MORC4: variants seen among roughly 807,000 people sequenced by gnomAD.
MORC4 encodes MORC family CW-type zinc finger protein 4.
In MORC4, 22 loss-of-function variants were observed where a neutral mutation model predicts 65.5. That is an observed-to-expected ratio of 0.34 (90% CI 0.24 to 0.48). The LOEUF (loss-of-function observed/expected upper bound fraction) is 0.48, where lower values mean the gene tolerates loss of function less well. Among genes scored for constraint, MORC4 ranks in the 20% least tolerant of loss-of-function variants. The pLI is 0.99. For synonymous variants in MORC4, 267 were observed against 255.8 expected, an observed-to-expected ratio of 1.04 and a Z score of -0.42; for missense variants, 624 against 703.0, an observed-to-expected ratio of 0.89 and a Z score of 1.27.
At position 106,980,871 on chromosome X, in the gene MORC4, T is replaced by C. The variant is rs1437157194; in HGVS notation, c.936+20A>G. The C allele has an allele frequency of 3.4e-6, 4 of 1,192,568 alleles. No homozygotes were observed. The highest frequency in any genetic ancestry group is 3.5e-5 in the African/African-American group (2 of 56,884). ...AAATAAAGAGGTCAACTTCATGTAG[T>C]GGTACACTTGTAAGGATACTGTGAA... On this transcript the variant is annotated intron_variant, in intron 7 of 16. Coordinates refer to ENST00000355610, the MANE Select transcript of MORC4 (RefSeq NM_024657.5).
intron 2 of MORC4, among the ~76,000 whole-genome samples, chrX:106,998,065 T>G (rs1176696232): frequency 1.8e-5 from 2 of 112,603 alleles, no homozygotes; most frequent in African/African-American, 6.5e-5. Flanking sequence ...CACAGTGGCC[T>G]TGCGCACAGT....
At chrX:106,993,384 G>A (rs367543482) in intron 2 of MORC4, 22 bp from the exon 3 acceptor site, 31 of 1,193,425 alleles carry the variant, frequency 2.6e-5, no homozygotes, top group Non-Finnish European at 3.2e-5. Flanking sequence ...AGAAATCTGC[G>A]ATATTAGATC....
At chrX:106,950,930 A>C (rs1009506779) in intron 14 of MORC4, among the ~76,000 whole-genome samples, 8 of 112,004 alleles carry the variant, frequency 7.1e-5, no homozygotes, top group African/African-American at 2.3e-4. Context: ...TCTTCCTGAG[A>C]TTTAGAAGAT....
At chrX:106,990,920 C>A (rs1302901445) in intron 3 of MORC4, among the ~76,000 whole-genome samples, 1 of 110,833 alleles carries the variant, frequency 9.0e-6, no homozygotes, top group Non-Finnish European at 1.9e-5. Flanking sequence ...CTAGCTGATT[C>A]AAGTTTGTTT....
At position 106,969,535 on chromosome X, in the gene MORC4, G is replaced by T. The variant is rs183274469; in HGVS notation, c.1157+7049C>A. ...CCCTTCAAAAATTCAATGAATCTCA[G>T]AAGCTGATTTTTCGAAAAGAGCAAC... On this transcript the variant is annotated intron_variant, in intron 9 of 16. Coordinates refer to ENST00000355610, the MANE Select transcript of MORC4 (RefSeq NM_024657.5). Among the ~76,000 whole-genome samples the T allele has an allele frequency of 2.5e-3, 276 of 111,847 alleles. 2 individuals carry two copies. The highest frequency in any genetic ancestry group is 8.5e-3 in the African/African-American group (262 of 30,762).
intron 12 of MORC4, 29 bp downstream of exon 12, chrX:106,956,907 T>C (rs1321423170): frequency 1.8e-6 from 2 of 1,113,249 alleles, no homozygotes; most frequent in Non-Finnish European, 2.5e-6. Context: ...TACCCTATGG[T>C]AGAGAACCCC....
At chrX:106,998,381 A>G (rs1004355177) in intron 2 of MORC4, among the ~76,000 whole-genome samples, 5 of 112,040 alleles carry the variant, frequency 4.5e-5, no homozygotes, top group Admixed American at 3.8e-4. Flanking sequence ...CAAATATCCA[A>G]AATTACAAAT....
chrX:106,959,397 T>G (rs1441997724), intron 10 of MORC4, among the ~76,000 whole-genome samples: 1 of 111,983 alleles, frequency 8.9e-6, no homozygotes, highest in Non-Finnish European at 1.9e-5. Flanking sequence ...AACATGTAAT[T>G]TAGCCTAGGA....
chrX:106,976,481 T>G, intron 9 of MORC4, 103 bp downstream of exon 9: 1 of 471,774 alleles, frequency 2.1e-6, no homozygotes, highest in Non-Finnish European at 3.7e-6. Flanking sequence ...TAATTCTCAG[T>G]TAACTTATTT....
intron 10 of MORC4, 32 bp from the exon 11 acceptor site, chrX:106,958,496 T>A (rs1258686245): frequency 8.5e-7 from 1 of 1,173,176 alleles, no homozygotes; most frequent in Non-Finnish European, 1.1e-6. Context: ...TGTGACTGTG[T>A]ATATCTTAGC....
At chrX:106,951,276 G>A (rs191594375) in intron 14 of MORC4, among the ~76,000 whole-genome samples, 105 of 112,159 alleles carry the variant, frequency 9.4e-4, no homozygotes, top group African/African-American at 3.2e-3. Flanking sequence ...TTAAAAATAT[G>A]AACTAATTAG....
At chrX:106,947,097 T>C (rs2147803402) in intron 14 of MORC4, among the ~76,000 whole-genome samples, 1 of 112,006 alleles carries the variant, frequency 8.9e-6, no homozygotes, top group African/African-American at 3.2e-5. Flanking sequence ...TCTACCCATT[T>C]ATTTTGGAAA....
chrX:106,948,828 A>G (rs1437269538), intron 14 of MORC4, among the ~76,000 whole-genome samples: 1 of 111,373 alleles, frequency 9.0e-6, no homozygotes, highest in Non-Finnish European at 1.9e-5. Flanking sequence ...TCTCTTGTAC[A>G]TGATGAATCA....
At chrX:106,951,156 C>T (rs1382588033) in intron 14 of MORC4, among the ~76,000 whole-genome samples, 1 of 111,160 alleles carries the variant, frequency 9.0e-6, no homozygotes, top group African/African-American at 3.3e-5. Flanking sequence ...CAAAATTGTT[C>T]ATCTATTTCT....
chrX:106,996,075 C>T (rs1252801889), intron 2 of MORC4, among the ~76,000 whole-genome samples: 1 of 111,597 alleles, frequency 9.0e-6, no homozygotes, highest in African/African-American at 3.3e-5. Context: ...ATTGCAACTA[C>T]ATGTTTACCC....
intron 14 of MORC4, among the ~76,000 whole-genome samples, chrX:106,945,012 G>A (rs184781276): frequency 8.9e-6 from 1 of 111,885 alleles, no homozygotes; most frequent in Non-Finnish European, 1.9e-5. Flanking sequence ...AAGCTTAAAT[G>A]TCTTAGCTCA....
intron 8 of MORC4, 100 bp from the exon 9 acceptor site, chrX:106,976,784 C>CT: frequency 1.9e-6 from 1 of 539,322 alleles, no homozygotes; most frequent in Non-Finnish European, 3.1e-6. Flanking sequence ...ACATAACCTT[C>CT]ATGGGCAAGA....
At chrX:106,991,396 T>C (rs1229513147) in intron 3 of MORC4, among the ~76,000 whole-genome samples, 2 of 112,586 alleles carry the variant, frequency 1.8e-5, no homozygotes, top group African/African-American at 6.5e-5. Context: ...AGGTGCTCAA[T>C]AAAAATTTGT....
intron 15 of MORC4, 48 bp downstream of exon 15, chrX:106,942,467 C>T: frequency 9.1e-7 from 1 of 1,100,409 alleles, no homozygotes; most frequent in Non-Finnish European, 1.2e-6. Flanking sequence ...GTCCCGCTCC[C>T]TTGGTTACTA....
Sources: gnomAD v4.1 joint callset for allele counts (sites outside exome capture counted in the v4.1 genomes callset) on GRCh38, gnomAD v4.1.1 for gene constraint, MANE v1.5 for transcripts, NCBI Gene and HGNC (gene_info 2026-07-23, HGNC 2026-07-21) for gene names.